SAMD5: variants seen among roughly 807,000 people sequenced by gnomAD.
SAMD5 encodes the protein sterile alpha motif domain containing 5.
A neutral mutation model predicts 11.3 loss-of-function variants in SAMD5; 13 were observed. The observed-to-expected ratio is 1.15, with a 90% CI of 0.75 to 1.83. SAMD5 has a LOEUF of 1.83. Ranked by LOEUF, SAMD5 falls within the 40% of genes most tolerant of loss-of-function variation. SAMD5 has a pLI of 0.00. For synonymous variants in SAMD5, 129 were observed against 111.3 expected, an observed-to-expected ratio of 1.16 and a Z score of -1.00; for missense variants, 255 against 239.1, an observed-to-expected ratio of 1.07 and a Z score of -0.44.
At chr6:147,668,872 A>G (rs1790757815) in intron 1 of SAMD5, among the ~76,000 whole-genome samples, 1 of 152,220 alleles carries the variant, frequency 6.6e-6, no homozygotes, top group African/African-American at 2.4e-5. Flanking sequence ...ACTAGACTGT[A>G]GTCTAGTAAG....
the SAMD5 span, among the ~76,000 whole-genome samples, chr6:147,841,861 C>T: frequency 6.6e-6 from 1 of 152,120 alleles, no homozygotes; most frequent in Admixed American, 6.5e-5. Context: ...CTTTTTTGGA[C>T]ATCAGTTCAA....
At chr6:147,653,807 C>T (rs1479662578) in intron 1 of SAMD5, among the ~76,000 whole-genome samples, 6 of 151,960 alleles carry the variant, frequency 3.9e-5, no homozygotes, top group Non-Finnish European at 4.4e-5. Flanking sequence ...TTTGTTCTTT[C>T]CTGTGGGCCT....
chr6:147,847,588 C>A, the SAMD5 span, among the ~76,000 whole-genome samples: 1 of 152,156 alleles, frequency 6.6e-6, no homozygotes. Flanking sequence ...TGTGTTGCCT[C>A]ACGCCTGTAA....
At position 147,567,616 on chromosome 6, in the gene SAMD5, C is replaced by A; in HGVS notation, c.*3160C>A. 1 of 976,642 alleles carries A rather than the reference C, an allele frequency of 1.0e-6. No individual in the cohort carries two copies. Among genetic ancestry groups the A allele is most frequent in the Non-Finnish European group, 1.2e-6 (1 of 821,958 alleles). 60.5% of individuals were successfully genotyped at this position (976,642 alleles called of 1,614,324 possible). A position where few individuals can be genotyped will look rare whatever the true frequency, so the allele number is the denominator to read the frequency against. ...CCCACATACAGTCCTTGGCTCAGTG[C>A]TAGGCATGTAGCAGGTGCTGACTGC... On this transcript the variant is annotated 3_prime_UTR_variant, in exon 2 of 2. Coordinates refer to ENST00000367474, the MANE Select transcript of SAMD5 (RefSeq NM_001030060.3).
At chr6:147,750,846 C>T in the SAMD5 span, among the ~76,000 whole-genome samples, 1 of 152,148 alleles carries the variant, frequency 6.6e-6, no homozygotes, top group East Asian at 1.9e-4. Flanking sequence ...AGCTTGAACC[C>T]GGGAGGCAAA....
At chr6:147,520,643 C>T (rs1788239412) in intron 1 of SAMD5, among the ~76,000 whole-genome samples, 1 of 152,092 alleles carries the variant, frequency 6.6e-6, no homozygotes, top group Non-Finnish European at 1.5e-5. Context: ...TACTGATACA[C>T]AAAACTAGTA....
the SAMD5 span, among the ~76,000 whole-genome samples, chr6:147,929,647 T>G: frequency 6.6e-6 from 1 of 152,168 alleles, no homozygotes; most frequent in Non-Finnish European, 1.5e-5. Context: ...ATGGTCACAC[T>G]TGTATGTAGA....
chr6:147,617,535 C>T lies in SAMD5; in HGVS notation c.162+108148C>T, dbSNP rs1176931601. 2.6e-5 allele frequency among the ~76,000 whole-genome samples: 4 copies of T among 152,346 alleles called. No individual in the cohort carries two copies. In the East Asian group the frequency reaches 7.7e-4, roughly 29 times the overall value. On this transcript the variant is annotated intron_variant, in intron 1 of 1. Coordinates refer to the SAMD5 transcript ENST00000566741. ...ATAGCTTTATGAAATGGAATTGCTC[C>T]ACAGTGCTTTAAATGGAAATTGCTG...
chr6:147,716,184 C>T (rs1467407542), intron 1 of SAMD5, among the ~76,000 whole-genome samples: 7 of 152,202 alleles, frequency 4.6e-5, no homozygotes, highest in Non-Finnish European at 2.9e-5. Context: ...TTAGCACCAC[C>T]TCGGCCTCCT....
At chr6:147,816,301 A>AAAAAAAAAAAAAAAAT in the SAMD5 span, among the ~76,000 whole-genome samples, 5 of 66,354 alleles carry the variant, frequency 7.5e-5, no homozygotes, top group Non-Finnish European at 9.5e-5. Context: ...AAAAAAAAAA[A>AAAAAAAAAAAAAAAAT]ATATATATAT....
chr6:147,663,826 A>G (rs1790680388), intron 1 of SAMD5, among the ~76,000 whole-genome samples: 1 of 150,048 alleles, frequency 6.7e-6, no homozygotes, highest in Non-Finnish European at 1.5e-5. Context: ...AGAGAAAGAA[A>G]AAGCCTTATC....
At chr6:147,557,388 T>C (rs1788874564) in intron 1 of SAMD5, among the ~76,000 whole-genome samples, 1 of 152,232 alleles carries the variant, frequency 6.6e-6, no homozygotes, top group African/African-American at 2.4e-5. Flanking sequence ...GTTTGTTTTC[T>C]CACAGTTCAC....
the SAMD5 span, among the ~76,000 whole-genome samples, chr6:147,951,020 C>G: frequency 4.3e-4 from 65 of 151,264 alleles, no homozygotes; most frequent in Non-Finnish European, 8.3e-4. Context: ...GCTTGGCTCT[C>G]CATGTGCTAA....
the SAMD5 span, among the ~76,000 whole-genome samples, chr6:147,803,275 T>C: frequency 2.6e-5 from 4 of 152,096 alleles, no homozygotes; most frequent in African/African-American, 9.7e-5. Context: ...TGAATTTTTT[T>C]CTGCCAAATT....
the SAMD5 span, among the ~76,000 whole-genome samples, chr6:147,838,070 G>T: frequency 6.6e-6 from 1 of 152,258 alleles, no homozygotes; most frequent in South Asian, 2.1e-4. Flanking sequence ...ATTGTTAAGT[G>T]TGTGTATATA....
At chr6:147,603,224 G>A (rs1437187778) in intron 1 of SAMD5, among the ~76,000 whole-genome samples, 5 of 151,910 alleles carry the variant, frequency 3.3e-5, no homozygotes, top group African/African-American at 1.2e-4. Flanking sequence ...TGAGTTTCGG[G>A]GACATATTAA....
chr6:147,703,784 A>C (rs1791288950), intron 1 of SAMD5, among the ~76,000 whole-genome samples: 1 of 152,180 alleles, frequency 6.6e-6, no homozygotes, highest in Admixed American at 6.5e-5. Flanking sequence ...TGAAGTAGGA[A>C]GCATCCATGG....
At chr6:147,850,973 G>A in the SAMD5 span, among the ~76,000 whole-genome samples, 2 of 145,538 alleles carry the variant, frequency 1.4e-5, no homozygotes, top group East Asian at 4.0e-4. Context: ...TTGAGACAGA[G>A]TCTCTCCCTG....
chr6:147,793,896 C>A, the SAMD5 span, among the ~76,000 whole-genome samples: 1 of 152,088 alleles, frequency 6.6e-6, no homozygotes, highest in African/African-American at 2.4e-5. Context: ...ATTCTAATCC[C>A]TTTGCCTTTC....
Sources: gnomAD v4.1 joint callset for allele counts (sites outside exome capture counted in the v4.1 genomes callset) on GRCh38, gnomAD v4.1.1 for gene constraint, MANE v1.5 for transcripts, NCBI Gene and HGNC (gene_info 2026-07-23, HGNC 2026-07-21) for gene names.